The following ART3 variants were observed in gnomAD, a reference collection of about 807,000 sequenced individuals.
The protein encoded by ART3 is ecto-ADP-ribosyltransferase 3.
A neutral mutation model predicts 48.5 loss-of-function variants in ART3; 49 were observed. The ratio of observed to expected loss-of-function variants is 1.01; its 90% CI spans 0.80 to 1.28. The LOEUF is 1.28. ART3 is among the 50% of genes most tolerant of loss of function. The probability of loss-of-function intolerance (pLI) is 0.00; values close to 1 mark genes in which losing one functional copy is unlikely to be tolerated. For synonymous variants in ART3, 145 were observed against 157.2 expected (o/e 0.92, Z 0.58); for missense variants, 438 against 454.3 (o/e 0.96, Z 0.33).
At chr4:76,088,049 T>G (rs1282349916) in intron 3 of ART3, among the ~76,000 whole-genome samples, 1 of 152,016 alleles carries the variant, frequency 6.6e-6, no homozygotes, top group Non-Finnish European at 1.5e-5. Flanking sequence ...GGCAACATAA[T>G]GAGACACCCA....
chr4:76,048,274 A>T (rs1735704208), intron 1 of ART3, among the ~76,000 whole-genome samples: 1 of 151,920 alleles, frequency 6.6e-6, no homozygotes, highest in Non-Finnish European at 1.5e-5. Flanking sequence ...CTTCTTACAG[A>T]AAAGATCAAG....
At chr4:76,023,622 G>A in intron 1 of ART3, 3 of 513,216 alleles carry the variant, frequency 5.8e-6, no homozygotes, top group Non-Finnish European at 1.1e-5. Flanking sequence ...GAAGTCCCAT[G>A]TTGCAGACTC....
At chr4:76,019,769 G>A (rs1367016191) in intron 1 of ART3, among the ~76,000 whole-genome samples, 1 of 151,468 alleles carries the variant, frequency 6.6e-6, no homozygotes, top group African/African-American at 2.4e-5. Flanking sequence ...ACATTCTGAT[G>A]TATGTCCTAT....
chr4:76,036,090 T>C (rs10021313), intron 1 of ART3: 23,849 of 1,068,032 alleles, frequency 0.022, 1,583 homozygotes, highest in African/African-American at 0.21. Context: ...AATTGATAAT[T>C]GGCATATATA....
intron 1 of ART3, among the ~76,000 whole-genome samples, chr4:76,047,775 C>T (rs1578314282): frequency 6.6e-6 from 1 of 152,066 alleles, no homozygotes; most frequent in Middle Eastern, 3.4e-3. Context: ...TCTCGGGCTG[C>T]AGCTAAAGCC....
chr4:76,055,344 C>A (rs981046902), intron 1 of ART3, among the ~76,000 whole-genome samples: 1 of 152,176 alleles, frequency 6.6e-6, no homozygotes, highest in Admixed American at 6.5e-5. Context: ...TCCCATGTGG[C>A]ACGTAATGTA....
intron 1 of ART3, among the ~76,000 whole-genome samples, chr4:76,037,850 C>T (rs1051968589): frequency 6.6e-5 from 10 of 151,928 alleles, no homozygotes; most frequent in African/African-American, 2.2e-4. Flanking sequence ...TTGGTATAAT[C>T]GGGGAATTTA....
rs1489304659 is a variant in ART3, at chr4:76,112,459, G to GT, written c.1113dup (p.Gly372TrpfsTer21). The GT allele has an allele frequency of 2.5e-6, 4 of 1,614,088 alleles. No individual in the cohort carries two copies. In the East Asian group the frequency reaches 8.9e-5, roughly 36 times the overall value. On this transcript the variant is annotated frameshift_variant, in exon 12 of 12. Transcript: ENST00000355810. LOFTEE classifies it low-confidence loss of function (END_TRUNC). The stretch of plus-strand genomic sequence containing the variant: ...CCTCGGGCAAACTGCTGCTTCCACA[G>GT]TTTGGGATGGTCATCATTTTAATCA...
chr4:76,051,894 CTCTCTTTTTTT>C (rs1198680669), intron 1 of ART3, among the ~76,000 whole-genome samples: 2 of 111,222 alleles, frequency 1.8e-5, no homozygotes, highest in East Asian at 3.8e-4. Context: ...ATCTCTCTCT[CTCTCTTTTTTT>C]TTTTTTTTTT....
chr4:76,104,258 G>T (rs1578606784), intron 9 of ART3: 1 of 786,898 alleles, frequency 1.3e-6, no homozygotes, highest in Non-Finnish European at 1.5e-6. Context: ...CACCTTCCAG[G>T]TTCTACAGCT....
At chr4:76,044,272 G>A (rs1735278297) in intron 1 of ART3, among the ~76,000 whole-genome samples, 1 of 151,906 alleles carries the variant, frequency 6.6e-6, no homozygotes, top group Non-Finnish European at 1.5e-5. Context: ...ACGCCGGGCG[G>A]CATCTCATAC....
upstream of ART3, among the ~76,000 whole-genome samples, chr4:76,074,016 T>C (rs1720603743): frequency 1.3e-5 from 2 of 152,214 alleles, no homozygotes; most frequent in Admixed American, 6.5e-5. Context: ...TTGGTGTATG[T>C]ATGCGTGAAT....
chr4:76,080,759 T>A (rs1357897371), intron 2 of ART3, among the ~76,000 whole-genome samples: 10 of 152,174 alleles, frequency 6.6e-5, no homozygotes, highest in Non-Finnish European at 1.3e-4. Flanking sequence ...TCTGCCCGCC[T>A]CGGCCTCCCA....
chr4:76,093,039 C>T (rs1445251948), intron 3 of ART3, among the ~76,000 whole-genome samples: 1 of 152,164 alleles, frequency 6.6e-6, no homozygotes, highest in African/African-American at 2.4e-5. Flanking sequence ...GGAGCTTAGG[C>T]AAGAATCTGT....
chr4:76,031,225 T>C (rs1733844935), intron 1 of ART3, among the ~76,000 whole-genome samples: 1 of 152,206 alleles, frequency 6.6e-6, no homozygotes, highest in South Asian at 2.1e-4. Flanking sequence ...GTTTTATCAT[T>C]ACATTTTATT....
chr4:76,026,904 G>A (rs1733439672), intron 1 of ART3, among the ~76,000 whole-genome samples: 1 of 152,204 alleles, frequency 6.6e-6, no homozygotes, highest in South Asian at 2.1e-4. Flanking sequence ...TCCTTGATGG[G>A]TTTACATTCT....
At chr4:76,017,796 G>A (rs888928350) in intron 1 of ART3, among the ~76,000 whole-genome samples, 4 of 152,188 alleles carry the variant, frequency 2.6e-5, no homozygotes, top group African/African-American at 4.8e-5. Context: ...TTTGCCTGGG[G>A]ATGGTCTAAA....
chr4:76,049,621 G>A (rs1735841470), intron 1 of ART3, among the ~76,000 whole-genome samples: 1 of 132,008 alleles, frequency 7.6e-6, no homozygotes, highest in South Asian at 2.5e-4. Context: ...CTGGCCGACA[G>A]GTGCCCGGTA....
chr4:76,026,943 A>G (rs1733442422), intron 1 of ART3, among the ~76,000 whole-genome samples: 1 of 152,224 alleles, frequency 6.6e-6, no homozygotes, highest in South Asian at 2.1e-4. Context: ...CTATGAAACA[A>G]TAAATATCAA....
Sources: gnomAD v4.1 joint callset for allele counts (sites outside exome capture counted in the v4.1 genomes callset) on GRCh38, gnomAD v4.1.1 for gene constraint, MANE v1.5 for transcripts, NCBI Gene and HGNC (gene_info 2026-07-23, HGNC 2026-07-21) for gene names.